Variants in ADGRL3 observed in about 807,000 individuals in gnomAD.
The protein encoded by ADGRL3 is calcium-independent alpha-latrotoxin receptor 3.
ADGRL3 carries 62 observed loss-of-function variants against 153.5 expected under a neutral mutation model. The observed-to-expected ratio is 0.40, with a 90% CI of 0.33 to 0.50. ADGRL3 has a LOEUF of 0.50. Among genes scored for constraint, ADGRL3 ranks in the 20% least tolerant of loss-of-function variants. The pLI is 0.47. For synonymous variants in ADGRL3, 710 were observed against 672.5 expected (o/e 1.06, Z -0.86); for missense variants, 1,641 against 1,859.4 (o/e 0.88, Z 2.16).
intron 1 of ADGRL3, among the ~76,000 whole-genome samples, chr4:61,259,052 A>T (rs2092274090): frequency 6.6e-6 from 1 of 152,158 alleles, no homozygotes; most frequent in Admixed American, 6.5e-5. Context: ...AATTGAACTT[A>T]CCTCAAAACG....
chr4:61,239,059 T>C (rs1260223086), intron 1 of ADGRL3, among the ~76,000 whole-genome samples: 1 of 152,162 alleles, frequency 6.6e-6, no homozygotes, highest in African/African-American at 2.4e-5. Flanking sequence ...CCCTTCTTCA[T>C]AGTTACTCCT....
chr4:61,950,779 C>T (rs1205495598), intron 17 of ADGRL3, among the ~76,000 whole-genome samples: 1 of 152,106 alleles, frequency 6.6e-6, no homozygotes, highest in Non-Finnish European at 1.5e-5. Context: ...ACAGGCGATG[C>T]GTCTTGGAGT....
chr4:62,072,300 G>C lies in ADGRL3; in HGVS notation c.*1392G>C, dbSNP rs1745924843. Reference sequence around the variant, plus strand: ...TTTTGAGTAATGTAGGAATACAAAAGGTAAATTAGCAGCACATATAATTTT... The same window carrying C: ...TTTTGAGTAATGTAGGAATACAAAACGTAAATTAGCAGCACATATAATTTT... On this transcript the variant is annotated 3_prime_UTR_variant, in exon 27 of 27. Coordinates refer to ENST00000683033, the MANE Select transcript of ADGRL3 (RefSeq NM_001387552.1). 1 of 152,376 alleles carries C rather than the reference G, an allele frequency of 6.6e-6. No homozygotes were observed. Among genetic ancestry groups the C allele is most frequent in the East Asian group, 1.9e-4 (1 of 5,186 alleles). 9.4% of individuals were successfully genotyped at this position (152,376 alleles called of 1,614,324 possible).
intron 1 of ADGRL3, among the ~76,000 whole-genome samples, chr4:61,231,470 C>A (rs945437410): frequency 6.6e-6 from 1 of 151,952 alleles, no homozygotes; most frequent in Non-Finnish European, 1.5e-5. Flanking sequence ...GCCAGCCTCC[C>A]AGTGTTGGGT....
At chr4:61,812,136 CT>C (rs1430767278) in intron 8 of ADGRL3, among the ~76,000 whole-genome samples, 4 of 152,144 alleles carry the variant, frequency 2.6e-5, no homozygotes, top group Admixed American at 2.6e-4. Context: ...TTAAGATTAT[CT>C]GAAGTTCTCA....
intron 5 of ADGRL3, among the ~76,000 whole-genome samples, chr4:61,662,184 C>T (rs368510397): frequency 3.3e-5 from 5 of 152,184 alleles, no homozygotes; most frequent in South Asian, 2.1e-4. Flanking sequence ...TGTGAAGCTG[C>T]GGCCTCCCAG....
chr4:61,861,330 A>T (rs1352466495), intron 9 of ADGRL3, among the ~76,000 whole-genome samples: 1 of 152,182 alleles, frequency 6.6e-6, no homozygotes, highest in Non-Finnish European at 1.5e-5. Context: ...TGGGTTATTG[A>T]TTTATGGTAA....
At chr4:61,914,186 C>G (rs1359574319) in intron 13 of ADGRL3, among the ~76,000 whole-genome samples, 3 of 152,008 alleles carry the variant, frequency 2.0e-5, no homozygotes, top group Admixed American at 1.3e-4. Flanking sequence ...TGGTGTCTTC[C>G]AAGTCTCCTG....
chr4:61,385,849 T>C (rs948899629), intron 2 of ADGRL3: 2 of 152,158 alleles, frequency 1.3e-5, no homozygotes, highest in African/African-American at 4.8e-5. Flanking sequence ...AAAATGTGTG[T>C]ATGTATATGC....
intron 1 of ADGRL3, among the ~76,000 whole-genome samples, chr4:61,372,559 A>G (rs2096547874): frequency 6.6e-6 from 1 of 152,264 alleles, no homozygotes; most frequent in Non-Finnish European, 1.5e-5. Context: ...GGGGTCAGCG[A>G]TCCACTTGAG....
chr4:61,852,248 A>T (rs1240277549), intron 9 of ADGRL3, among the ~76,000 whole-genome samples: 1 of 151,998 alleles, frequency 6.6e-6, no homozygotes, highest in Non-Finnish European at 1.5e-5. Context: ...ACTGTTTCTG[A>T]AGTCCAAAAT....
At chr4:61,751,341 CATA>C (rs1245888241) in intron 8 of ADGRL3, among the ~76,000 whole-genome samples, 3 of 151,932 alleles carry the variant, frequency 2.0e-5, no homozygotes, top group African/African-American at 4.8e-5. Flanking sequence ...GACTAAAATC[CATA>C]ATAAGTTATT....
intron 11 of ADGRL3, among the ~76,000 whole-genome samples, chr4:61,899,194 CCTCA>C (rs34742135): frequency 0.45 from 67,789 of 151,488 alleles, 15,240 homozygotes; most frequent in African/African-American, 0.48. Context: ...GACTTTCTTG[CCTCA>C]CTATCTGCCT....
chr4:61,681,006 G>T (rs1037816231), intron 6 of ADGRL3, among the ~76,000 whole-genome samples: 1 of 152,048 alleles, frequency 6.6e-6, no homozygotes, highest in East Asian at 1.9e-4. Context: ...GAGGTTTGAT[G>T]TTCTTCCTTA....
At chr4:61,690,457 TA>T (rs1561068825) in intron 6 of ADGRL3, among the ~76,000 whole-genome samples, 1 of 151,584 alleles carries the variant, frequency 6.6e-6, no homozygotes, top group African/African-American at 2.4e-5. Context: ...AATTTAAAGT[TA>T]AAAAACAATC....
Position 61,936,000 on chromosome 4 carries a change from A to T in ADGRL3, c.2374A>T (p.Thr792Ser). The change falls in exon 15 of 27, where the codon ACT becomes TCT. Residue 792 changes from threonine to serine, a missense_variant. Around this residue, in one of 5 missense-constraint regions of ADGRL3, gnomAD observed 734 missense variants for 797.0 expected, o/e 0.92. Transcript: ENST00000683033. ...TCCAGAAAACATGGGCCATGGAAGC[A>T]CTATCCAGCTGTCTGCAAATACCTT... Reference protein sequence around the residue: ...KFPENMGHGSTIQLSANTLKQ... With the variant: ...KFPENMGHGSSIQLSANTLKQ... 6.2e-7 allele frequency: 1 copy of T among 1,610,044 alleles called. No individual in the cohort carries two copies. The highest frequency in any genetic ancestry group is 2.2e-5 in the East Asian group (1 of 44,786).
At chr4:62,043,086 A>C (rs1412159453) in intron 24 of ADGRL3, among the ~76,000 whole-genome samples, 1 of 152,016 alleles carries the variant, frequency 6.6e-6, no homozygotes, top group Non-Finnish European at 1.5e-5. Context: ...TGTATAGTTT[A>C]TTCATCCATC....
chr4:61,318,861 A>G (rs1428301188), intron 1 of ADGRL3, among the ~76,000 whole-genome samples: 1 of 152,202 alleles, frequency 6.6e-6, no homozygotes, highest in East Asian at 1.9e-4. Flanking sequence ...AATATTTTAC[A>G]TAATGTAATT....
intron 4 of ADGRL3, among the ~76,000 whole-genome samples, chr4:61,576,568 G>A (rs1560870379): frequency 6.8e-6 from 1 of 147,632 alleles, no homozygotes; most frequent in East Asian, 2.0e-4. Context: ...TGTCTTTAGA[G>A]TGGGAATTTA....
Sources: allele counts gnomAD v4.1 joint callset (sites outside exome capture counted in the v4.1 genomes callset), GRCh38; gene constraint gnomAD v4.1.1; regional missense constraint gnomAD v4.1.1; transcripts MANE v1.5; gene names NCBI Gene and HGNC (gene_info 2026-07-23, HGNC 2026-07-21).